PCDH15: variants seen among roughly 807,000 people sequenced by gnomAD.
PCDH15 encodes protocadherin-15.
Under a neutral mutation model 178.5 loss-of-function variants are expected in PCDH15, and 129 were observed. The observed-to-expected ratio is 0.72, with a 90% CI of 0.63 to 0.84. PCDH15 has a LOEUF of 0.84. Among genes scored for constraint, PCDH15 ranks in the 40% least tolerant of loss-of-function variants. The pLI is 0.00. For missense variants in PCDH15, 2,230 were observed against 2,099.9 expected (o/e 1.06, Z -1.21); for synonymous variants, 800 against 732.0 (o/e 1.09, Z -1.50).
At chr10:54,785,872 G>A (rs1432240290) in intron 1 of PCDH15, among the ~76,000 whole-genome samples, 2 of 151,786 alleles carry the variant, frequency 1.3e-5, no homozygotes, top group Non-Finnish European at 2.9e-5. Flanking sequence ...AGCACCTCAG[G>A]GAAGTTCCAG....
chr10:54,613,159 T>G (rs1013844484), intron 2 of PCDH15, among the ~76,000 whole-genome samples: 2 of 151,884 alleles, frequency 1.3e-5, no homozygotes, highest in East Asian at 3.9e-4. Context: ...AAGCACGCTT[T>G]AGAGAGTGAA....
At position 54,047,831 on chromosome 10, in the gene PCDH15, G is replaced by A. The variant is rs549576689; in HGVS notation, c.2220+18926C>T. 6.6e-5 allele frequency among the ~76,000 whole-genome samples: 10 copies of A among 152,190 alleles called. No individual in the cohort carries two copies. In the South Asian group the frequency reaches 1.9e-3, roughly 28 times the overall value. ...AAATCCACCATTGTTGGGCATCTAGGTTAATTCCATAAGTTTGCGATTGTA... is the reference window on the plus strand; with the variant it reads ...AAATCCACCATTGTTGGGCATCTAGATTAATTCCATAAGTTTGCGATTGTA... On this transcript the variant is annotated intron_variant, in intron 18 of 37. Transcript: ENST00000644397.
At chr10:54,925,678 C>G (rs1837603800) in intron 2 of PCDH15, among the ~76,000 whole-genome samples, 1 of 152,026 alleles carries the variant, frequency 6.6e-6, no homozygotes, top group African/African-American at 2.4e-5. Flanking sequence ...TAGCTGTATT[C>G]CTAGATATTT....
intron 2 of PCDH15, among the ~76,000 whole-genome samples, chr10:54,966,484 G>A (rs1167090681): frequency 6.6e-6 from 1 of 151,968 alleles, no homozygotes; most frequent in East Asian, 1.9e-4. Flanking sequence ...ATTGCTTCTA[G>A]GCTACCAACT....
chr10:54,745,860 C>A (rs912185791), intron 1 of PCDH15, among the ~76,000 whole-genome samples: 2 of 151,892 alleles, frequency 1.3e-5, no homozygotes, highest in Non-Finnish European at 1.5e-5. Context: ...ATTAAGTGAG[C>A]CAAGAATTTT....
intron 2 of PCDH15, among the ~76,000 whole-genome samples, chr10:55,404,537 G>A (rs1168269119): frequency 6.6e-6 from 1 of 151,828 alleles, no homozygotes; most frequent in African/African-American, 2.4e-5. Flanking sequence ...TATAAGTGGG[G>A]AGTCATGGCT....
At chr10:53,993,825 G>T (rs1466378147) in intron 21 of PCDH15, among the ~76,000 whole-genome samples, 1 of 152,126 alleles carries the variant, frequency 6.6e-6, no homozygotes, top group Non-Finnish European at 1.5e-5. Context: ...TCAAAAGATT[G>T]TTGGTGTTTC....
At chr10:55,544,260 T>C (rs1841831908) in intron 2 of PCDH15, among the ~76,000 whole-genome samples, 2 of 149,808 alleles carry the variant, frequency 1.3e-5, no homozygotes, top group South Asian at 4.2e-4. Flanking sequence ...AAATTATGGC[T>C]TTTAGTGGAC....
chr10:54,583,516 C>A (rs115311675), intron 2 of PCDH15, among the ~76,000 whole-genome samples: 1,736 of 151,976 alleles, frequency 0.011, 34 homozygotes, highest in African/African-American at 0.039. Flanking sequence ...GTAAGGGATA[C>A]CACAATGGGC....
chr10:55,136,588 G>A (rs1048702733), intron 2 of PCDH15, among the ~76,000 whole-genome samples: 1 of 152,038 alleles, frequency 6.6e-6, no homozygotes, highest in African/African-American at 2.4e-5. Flanking sequence ...AATCAAAGAG[G>A]GGTAAAGGAA....
chr10:54,158,001 A>T (rs1325633934), intron 13 of PCDH15, among the ~76,000 whole-genome samples: 1 of 152,126 alleles, frequency 6.6e-6, no homozygotes, highest in Non-Finnish European at 1.5e-5. Flanking sequence ...CCACATCACT[A>T]TCAGCATTTT....
At chr10:55,434,187 TCTCCTGCCTCAGC>T (rs1838972075) in intron 2 of PCDH15, among the ~76,000 whole-genome samples, 1 of 140,584 alleles carries the variant, frequency 7.1e-6, no homozygotes, top group Non-Finnish European at 1.5e-5. Flanking sequence ...TTCACGCCAT[TCTCCTGCCTCAGC>T]CTCCCTACAG....
At chr10:54,991,419 T>C (rs939556720) in intron 2 of PCDH15, among the ~76,000 whole-genome samples, 14 of 152,168 alleles carry the variant, frequency 9.2e-5, no homozygotes, top group Admixed American at 8.5e-4. Flanking sequence ...GCATGTATAC[T>C]GTATATAACC....
chr10:55,089,633 C>T (rs1284273062), intron 2 of PCDH15, among the ~76,000 whole-genome samples: 1 of 152,052 alleles, frequency 6.6e-6, no homozygotes, highest in Non-Finnish European at 1.5e-5. Flanking sequence ...AAATTGAAAG[C>T]AACTGGGATT....
At chr10:54,605,177 A>G (rs1454562554) in intron 2 of PCDH15, among the ~76,000 whole-genome samples, 1 of 151,946 alleles carries the variant, frequency 6.6e-6, no homozygotes, top group African/African-American at 2.4e-5. Flanking sequence ...TTTACCTACC[A>G]CAACCACAAT....
chr10:55,193,958 T>A (rs2132149612), intron 1 of PCDH15, among the ~76,000 whole-genome samples: 1 of 152,158 alleles, frequency 6.6e-6, no homozygotes, highest in South Asian at 2.1e-4. Flanking sequence ...ATTTACTGAA[T>A]AATACTAATA....
At chr10:54,760,815 A>G (rs1442695759) in intron 1 of PCDH15, among the ~76,000 whole-genome samples, 1 of 152,220 alleles carries the variant, frequency 6.6e-6, no homozygotes, top group Non-Finnish European at 1.5e-5. Context: ...TTTCCCAGAC[A>G]TAATGGAAAT....
intron 17 of PCDH15, among the ~76,000 whole-genome samples, chr10:54,069,861 T>C (rs530383684): frequency 6.6e-6 from 1 of 152,260 alleles, no homozygotes; most frequent in African/African-American, 2.4e-5. Flanking sequence ...TAATTAATTG[T>C]TAGGACCATA....
chr10:54,928,506 C>A (rs1837685864), intron 2 of PCDH15, among the ~76,000 whole-genome samples: 1 of 152,106 alleles, frequency 6.6e-6, no homozygotes, highest in Admixed American at 6.6e-5. Context: ...TGAAGATGTT[C>A]TCATAGATGA....
Sources: gnomAD v4.1 joint callset for allele counts (sites outside exome capture counted in the v4.1 genomes callset) on GRCh38, gnomAD v4.1.1 for gene constraint, MANE v1.5 for transcripts, NCBI Gene and HGNC (gene_info 2026-07-23, HGNC 2026-07-21) for gene names.